ABCC4: variants seen among roughly 807,000 people sequenced by gnomAD.
ABCC4 encodes ATP-binding cassette sub-family C member 4.
Under a neutral mutation model 168.5 loss-of-function variants are expected in ABCC4, and 102 were observed. The ratio of observed to expected loss-of-function variants is 0.61; its 90% CI spans 0.52 to 0.71. The LOEUF is 0.71. Among genes scored for constraint, ABCC4 ranks in the 30% least tolerant of loss-of-function variants. The pLI, the probability that ABCC4 is intolerant of heterozygous loss-of-function variation, is 0.00. For missense variants in ABCC4, 1,402 were observed against 1,605.8 expected, an observed-to-expected ratio of 0.87 and a Z score of 2.17; for synonymous variants, 617 against 590.7, an observed-to-expected ratio of 1.04 and a Z score of -0.65.
chr13:95,119,492 A>G (rs1035634814), intron 19 of ABCC4, among the ~76,000 whole-genome samples: 4 of 152,232 alleles, frequency 2.6e-5, no homozygotes, highest in Middle Eastern at 3.2e-3. Flanking sequence ...ATACAGAGTC[A>G]GGTTGCTCCT....
At chr13:95,063,711 G>A (rs777073075) in intron 25 of ABCC4, among the ~76,000 whole-genome samples, 5 of 152,228 alleles carry the variant, frequency 3.3e-5, no homozygotes, top group Non-Finnish European at 7.3e-5. Context: ...GAGAAATGAA[G>A]TGCACTGCCA....
At chr13:95,206,380 A>G in intron 8 of ABCC4, 152 bp downstream of exon 8, 1 of 991,374 alleles carries the variant, frequency 1.0e-6, no homozygotes, top group East Asian at 2.5e-5. Flanking sequence ...TATCTAAGAT[A>G]GGGAAGTACA....
chr13:95,201,656 C>T (rs2038629460), intron 8 of ABCC4, among the ~76,000 whole-genome samples: 1 of 151,916 alleles, frequency 6.6e-6, no homozygotes, highest in South Asian at 2.1e-4. Flanking sequence ...ATGGAGAGCC[C>T]AAAAGAAGAG....
At chr13:95,083,083 A>G in intron 21 of ABCC4, 57 bp downstream of exon 21, 1 of 1,562,064 alleles carries the variant, frequency 6.4e-7, no homozygotes, top group Non-Finnish European at 8.7e-7. Context: ...TCTGTAATTT[A>G]TGGCATAAAT....
chr13:95,207,689 A>T, intron 7 of ABCC4, 111 bp downstream of exon 7: 2 of 1,168,800 alleles, frequency 1.7e-6, no homozygotes, highest in Non-Finnish European at 1.2e-6. Context: ...ACTGGGATGG[A>T]TTGTACTGAA....
chr13:95,273,198 C>T (rs1413586976), intron 1 of ABCC4, among the ~76,000 whole-genome samples: 5 of 152,218 alleles, frequency 3.3e-5, no homozygotes, highest in African/African-American at 1.2e-4. Flanking sequence ...TTACCAAAGT[C>T]GCCAAACCAA....
intron 1 of ABCC4, among the ~76,000 whole-genome samples, chr13:95,295,806 C>T (rs1247266589): frequency 6.6e-6 from 1 of 151,092 alleles, no homozygotes; most frequent in Non-Finnish European, 1.5e-5. Flanking sequence ...CTACTAAAAA[C>T]ACACAAAAAA....
At position 95,020,655 on chromosome 13, in the gene ABCC4, T is replaced by C. The variant is rs1264916510; in HGVS notation, c.*920A>G. On this transcript the variant is annotated 3_prime_UTR_variant, in exon 31 of 31. Transcript: ENST00000645237. Reference sequence around the variant, plus strand: ...ACGTTAGCAGAGCCTATTCATGCAATTTAGAAAGGATTTCAATACAGCCCA... The same window carrying C: ...ACGTTAGCAGAGCCTATTCATGCAACTTAGAAAGGATTTCAATACAGCCCA... 1 of 152,222 alleles carries C rather than the reference T, an allele frequency of 6.6e-6. No homozygotes were observed. Among genetic ancestry groups the C allele is most frequent in the Non-Finnish European group, 1.5e-5 (1 of 68,044 alleles). The allele number at this position is 152,222 out of a possible 1,614,324, so 9.4% of individuals were successfully genotyped here. A position where few individuals can be genotyped will look rare whatever the true frequency, so the allele number is the denominator to read the frequency against.
intron 20 of ABCC4, chr13:95,096,107 C>A: frequency 3.6e-6 from 2 of 562,232 alleles, no homozygotes; most frequent in South Asian, 2.4e-5. Context: ...CTGAGGTTTG[C>A]TTGAGGAGGG....
intron 21 of ABCC4, among the ~76,000 whole-genome samples, chr13:95,079,356 G>T (rs979680577): frequency 1.3e-5 from 2 of 152,202 alleles, no homozygotes; most frequent in African/African-American, 4.8e-5. Context: ...GCAAAGATCT[G>T]GTCTACCAGT....
chr13:95,127,947 C>G (rs376215306), intron 19 of ABCC4, among the ~76,000 whole-genome samples: 9 of 152,232 alleles, frequency 5.9e-5, no homozygotes, highest in African/African-American at 2.2e-4. Flanking sequence ...AAAAAAAAAG[C>G]TTTACAAATT....
Position 95,164,438 on chromosome 13 carries a change from G to A in ABCC4, c.2115C>T (p.Phe705=), listed in dbSNP as rs761242748. 1.2e-6 allele frequency: 2 copies of A among 1,614,204 alleles called. No individual in the cohort carries two copies. Among genetic ancestry groups the A allele is most frequent in the Admixed American group, 3.3e-5 (2 of 60,028 alleles). ...KVGFQAYKNY[F]RAGAHWIVFI... is the part of the protein sequence containing the mutation. Reference sequence around the variant, plus strand: ...AGACAATCCAGTGAGCACCAGCTCTGAAGTAATTCTTATAGGCCTGAAAAC... The same window carrying A: ...AGACAATCCAGTGAGCACCAGCTCTAAAGTAATTCTTATAGGCCTGAAAAC... Residue 705 remains phenylalanine (F), a synonymous_variant, in exon 16 of 31, where the codon TTC becomes TTT. Transcript: ENST00000645237.
chr13:95,178,145 C>T (rs2037772685), intron 11 of ABCC4, 54 bp from the exon 12 acceptor site: 3 of 1,504,034 alleles, frequency 2.0e-6, no homozygotes, highest in African/African-American at 1.4e-5. Context: ...CATGTTCTTC[C>T]TCTGTTCTTT....
At chr13:95,262,073 G>C (rs1379580935) in intron 1 of ABCC4, among the ~76,000 whole-genome samples, 3 of 152,214 alleles carry the variant, frequency 2.0e-5, no homozygotes, top group African/African-American at 7.2e-5. Flanking sequence ...GTATCCACTA[G>C]GTTGGGAGGC....
chr13:95,197,345 A>C (rs1204746227), intron 8 of ABCC4, among the ~76,000 whole-genome samples: 1 of 152,246 alleles, frequency 6.6e-6, no homozygotes, highest in Non-Finnish European at 1.5e-5. Context: ...GAAGTGTACG[A>C]CCAAGACATC....
At chr13:95,106,478 T>C (rs1468329271) in intron 20 of ABCC4, among the ~76,000 whole-genome samples, 1 of 151,486 alleles carries the variant, frequency 6.6e-6, no homozygotes, top group African/African-American at 2.4e-5. Context: ...GCATCTGTGA[T>C]GCTTTTTTCT....
intron 1 of ABCC4, among the ~76,000 whole-genome samples, chr13:95,277,507 G>A (rs1314037819): frequency 2.0e-5 from 3 of 151,596 alleles, no homozygotes; most frequent in Non-Finnish European, 4.4e-5. Flanking sequence ...CCTGAACCCA[G>A]GAGGTGGAGG....
intron 13 of ABCC4, among the ~76,000 whole-genome samples, chr13:95,172,188 A>C (rs1420125700): frequency 1.3e-5 from 2 of 152,248 alleles, no homozygotes; most frequent in African/African-American, 2.4e-5. Context: ...AATACTTTCC[A>C]AATTATTAAG....
chr13:95,260,962 T>C (rs7332338), intron 1 of ABCC4, among the ~76,000 whole-genome samples: 2,140 of 151,636 alleles, frequency 0.014, 49 homozygotes, highest in African/African-American at 0.048. Context: ...CGTAACTCTG[T>C]GACTCTACCA....
Sources: allele counts gnomAD v4.1 joint callset (sites outside exome capture counted in the v4.1 genomes callset), GRCh38; gene constraint gnomAD v4.1.1; transcripts MANE v1.5; gene names NCBI Gene and HGNC (gene_info 2026-07-23, HGNC 2026-07-21).